NCOA5: variants seen among roughly 807,000 people sequenced by gnomAD.
NCOA5 encodes the protein nuclear receptor coactivator 5.
In NCOA5, 12 loss-of-function variants were observed where a neutral mutation model predicts 59.0. The ratio of observed to expected loss-of-function variants is 0.20; its 90% CI spans 0.13 to 0.33. NCOA5 has a LOEUF of 0.33. Ranked by LOEUF, NCOA5 falls within the 10% of genes least tolerant of loss-of-function variation. NCOA5 has a pLI of 1.00. For synonymous variants in NCOA5, 270 were observed against 275.5 expected (o/e 0.98, Z 0.20); for missense variants, 655 against 766.6 (o/e 0.85, Z 1.72).
rs184288512 is a variant in NCOA5 at position 46,080,434 on chromosome 20, T to C, written c.-29-981A>G. On this transcript the variant is annotated intron_variant, in intron 1 of 7. Transcript: ENST00000290231. Reference sequence around the variant, plus strand: ...GCTGCAGTAGAGTTTGTTCCCCTTTTTCCGTATTAAACAATTAATAGTGTA... The same window carrying C: ...GCTGCAGTAGAGTTTGTTCCCCTTTCTCCGTATTAAACAATTAATAGTGTA... Among the ~76,000 whole-genome samples, 29 of 152,290 alleles carry C rather than the reference T, an allele frequency of 1.9e-4. No individual in the cohort carries two copies. In the East Asian group the frequency reaches 5.6e-3, roughly 29 times the overall value.
intron 2 of NCOA5, among the ~76,000 whole-genome samples, chr20:46,071,532 C>A (rs767315068): frequency 4.6e-5 from 7 of 152,140 alleles, no homozygotes; most frequent in Non-Finnish European, 1.0e-4. Flanking sequence ...AAAAATCAAC[C>A]TACTTGCTTT....
intron 1 of NCOA5, among the ~76,000 whole-genome samples, chr20:46,081,980 A>G (rs2145551454): frequency 6.6e-6 from 1 of 152,284 alleles, no homozygotes; most frequent in South Asian, 2.1e-4. Flanking sequence ...CTAATCACGG[A>G]GAGCAAAGAT....
Position 46,063,687 on chromosome 20 carries a change from G to A in NCOA5, c.830-7C>T. Reference sequence around the variant, plus strand: ...TGGGGCATGTTGCGATGCTCTGTAGGAGGAAATGACATGAGTTATTTTCTT... The same window carrying A: ...TGGGGCATGTTGCGATGCTCTGTAGAAGGAAATGACATGAGTTATTTTCTT... On this transcript the variant is annotated splice_region_variant and splice_polypyrimidine_tract_variant and intron_variant, in intron 6 of 7. Coordinates refer to ENST00000290231, the MANE Select transcript of NCOA5 (RefSeq NM_020967.3). 2 of 1,610,458 alleles carry A rather than the reference G, an allele frequency of 1.2e-6. No homozygotes were observed. The highest frequency in any genetic ancestry group is 1.1e-5 in the South Asian group (1 of 90,954).
At chr20:46,082,315 A>G (rs1396674905) in intron 1 of NCOA5, among the ~76,000 whole-genome samples, 1 of 152,202 alleles carries the variant, frequency 6.6e-6, no homozygotes. Flanking sequence ...ATAGAGAGAT[A>G]TAATCAACAC....
rs2084756201 is a variant in NCOA5, at chr20:46,061,052, AG to A, written c.*1247del. ...TATTAACAACACAAGAGTTCCAAAG[AG>A]GAAAAAAAAAACCACTATATAACAC... On this transcript the variant is annotated 3_prime_UTR_variant, in exon 8 of 8. Transcript: ENST00000290231. 2 of 152,110 alleles carry A rather than the reference AG, an allele frequency of 1.3e-5. No homozygotes were observed. Among genetic ancestry groups the A allele is most frequent in the Admixed American group, 1.3e-4 (2 of 15,278 alleles). The allele number at this position is 152,110 out of a possible 1,614,324, so 9.4% of individuals were successfully genotyped here. A position where few individuals can be genotyped will look rare whatever the true frequency, so the allele number is the denominator to read the frequency against.
At chr20:46,074,710 C>T (rs1421914262) in intron 2 of NCOA5, among the ~76,000 whole-genome samples, 1 of 152,140 alleles carries the variant, frequency 6.6e-6, no homozygotes, top group African/African-American at 2.4e-5. Flanking sequence ...TTCCTGAGGA[C>T]TAAAGGGGTG....
chr20:46,086,638 TG>T (rs2085048204), intron 1 of NCOA5, among the ~76,000 whole-genome samples: 1 of 152,214 alleles, frequency 6.6e-6, no homozygotes, highest in African/African-American at 2.4e-5. Flanking sequence ...TTAAGCAGAA[TG>T]GTCTAAACAA....
intron 1 of NCOA5, among the ~76,000 whole-genome samples, chr20:46,081,532 C>T (rs1045048997): frequency 6.6e-6 from 1 of 152,062 alleles, no homozygotes; most frequent in Non-Finnish European, 1.5e-5. Flanking sequence ...AAGATTATAT[C>T]TTTAAACCAT....
chr20:46,068,477 G>C, intron 4 of NCOA5, 25 bp downstream of exon 4: 1 of 1,601,678 alleles, frequency 6.2e-7, no homozygotes, highest in Non-Finnish European at 8.5e-7. Flanking sequence ...TCAATAATAG[G>C]AATAGACTGT....
At chr20:46,071,296 C>G (rs564133627) in intron 2 of NCOA5, among the ~76,000 whole-genome samples, 1 of 152,158 alleles carries the variant, frequency 6.6e-6, no homozygotes, top group African/African-American at 2.4e-5. Flanking sequence ...AAACTTCTTA[C>G]CCCAACCCCA....
rs374327618 is a variant in NCOA5 at position 46,067,198 on chromosome 20, G to C, written c.503-17C>G. 3.0e-5 allele frequency: 48 copies of C among 1,608,950 alleles called. No individual in the cohort carries two copies. The highest frequency in any genetic ancestry group is 3.6e-5 in the Non-Finnish European group (43 of 1,178,304). On this transcript the variant is annotated splice_polypyrimidine_tract_variant and intron_variant, in intron 4 of 7. Transcript: ENST00000290231. ...TCAAACGCTCTGCAAAACACCACCA[G>C]GGTAAACTGAAATAAGGACTGGACC...
chr20:46,068,095 C>T (rs1019538317), intron 4 of NCOA5, among the ~76,000 whole-genome samples: 2 of 152,002 alleles, frequency 1.3e-5, no homozygotes, highest in African/African-American at 4.8e-5. Context: ...TGCACCAAGA[C>T]AATTTTTGTA....
chr20:46,063,374 G>A lies in NCOA5; in HGVS notation c.1136C>T (p.Thr379Ile). The A allele has an allele frequency of 1.2e-6, 2 of 1,612,900 alleles. No individual in the cohort carries two copies. Among genetic ancestry groups the A allele is most frequent in the Non-Finnish European group, 1.7e-6 (2 of 1,180,016 alleles). ...ACGTAGCTCACCAGGCAGAGAGTCGGTGCTGCTCCTCATCAGCCGCTCCTT... is the reference window on the plus strand; with the variant it reads ...ACGTAGCTCACCAGGCAGAGAGTCGATGCTGCTCCTCATCAGCCGCTCCTT... The part of the protein sequence containing the change: ...ERKERLMRSS[T>I]DSLPGPISRQ... The change falls in exon 7 of 8, where the codon ACC becomes ATC. Residue 379 changes from threonine to isoleucine, a missense_variant. By Grantham distance (89) the Thr-to-Ile change is moderately conservative (BLOSUM62 -1). Coordinates refer to ENST00000290231, the MANE Select transcript of NCOA5 (RefSeq NM_020967.3).
At chr20:46,078,899 C>A (rs564330053) in intron 2 of NCOA5, among the ~76,000 whole-genome samples, 5 of 152,234 alleles carry the variant, frequency 3.3e-5, no homozygotes, top group African/African-American at 1.2e-4. Flanking sequence ...AAACAGATAA[C>A]CCAAGTATGT....
chr20:46,080,382 A>G (rs1199887209), intron 1 of NCOA5, among the ~76,000 whole-genome samples: 5 of 152,022 alleles, frequency 3.3e-5, no homozygotes, highest in Non-Finnish European at 7.4e-5. Flanking sequence ...CATACTTCAG[A>G]TGAATGAAGA....
chr20:46,066,770 A>C (rs974492394), intron 5 of NCOA5, among the ~76,000 whole-genome samples: 1 of 152,230 alleles, frequency 6.6e-6, no homozygotes, highest in Non-Finnish European at 1.5e-5. Flanking sequence ...TCTGAGGAAA[A>C]CAGTGCTTAG....
intron 6 of NCOA5, among the ~76,000 whole-genome samples, chr20:46,064,786 T>C (rs1248048519): frequency 1.3e-5 from 2 of 152,214 alleles, no homozygotes; most frequent in Non-Finnish European, 2.9e-5. Context: ...AACTTGTTGT[T>C]ACACGTGTGC....
Position 46,065,317 on chromosome 20 carries a change from C to T in NCOA5, c.630-89G>A, listed in dbSNP as rs1327694659. On this transcript the variant is annotated intron_variant, in intron 5 of 7. Transcript: ENST00000290231. ...CAGTTGTGTGTGTTCCTACTGATAACTCAAACCTTAGTCTACCCCAGTACC... is the reference window on the plus strand; with the variant it reads ...CAGTTGTGTGTGTTCCTACTGATAATTCAAACCTTAGTCTACCCCAGTACC... 3.2e-6 allele frequency: 4 copies of T among 1,269,776 alleles called. No individual in the cohort carries two copies. In the East Asian group the frequency reaches 9.3e-5, roughly 29 times the overall value. 78.7% of individuals were successfully genotyped at this position (1,269,776 alleles called of 1,614,324 possible). A position where few individuals can be genotyped will look rare whatever the true frequency, so the allele number is the denominator to read the frequency against.
intron 1 of NCOA5, among the ~76,000 whole-genome samples, chr20:46,089,405 G>C (rs1335870138): frequency 6.6e-6 from 1 of 152,234 alleles, no homozygotes; most frequent in Non-Finnish European, 1.5e-5. Context: ...CTTGGGCCCG[G>C]TTCGAATCCC....
Sources: gnomAD v4.1 joint callset for allele counts (sites outside exome capture counted in the v4.1 genomes callset) on GRCh38, gnomAD v4.1.1 for gene constraint, MANE v1.5 for transcripts, NCBI Gene and HGNC (gene_info 2026-07-23, HGNC 2026-07-21) for gene names.